The following NAALADL2 variants were observed in gnomAD, a reference collection of about 807,000 sequenced individuals.
The protein encoded by NAALADL2 is N-acetylated alpha-linked acidic dipeptidase like 2.
Under a neutral mutation model 87.2 loss-of-function variants are expected in NAALADL2, and 76 were observed. The ratio of observed to expected loss-of-function variants is 0.87; its 90% confidence interval spans 0.72 to 1.05. The LOEUF (loss-of-function observed/expected upper bound fraction) is 1.05, where lower values mean the gene tolerates loss of function less well. NAALADL2 is among the 50% of genes least tolerant of loss of function. The pLI is 0.00. For synonymous variants in NAALADL2, 354 were observed against 331.0 expected (o/e 1.07, Z -0.75); for missense variants, 1,089 against 945.8 (o/e 1.15, Z -1.99).
intron 1 of NAALADL2, among the ~76,000 whole-genome samples, chr3:174,509,136 G>T (rs1410227664): frequency 6.7e-6 from 1 of 148,468 alleles, no homozygotes; most frequent in African/African-American, 2.5e-5. Flanking sequence ...TTCTTTTACT[G>T]GCTTATGTGT....
intron 11 of NAALADL2, among the ~76,000 whole-genome samples, chr3:175,688,077 G>A (rs576518320): frequency 1.3e-5 from 2 of 152,060 alleles, no homozygotes; most frequent in Non-Finnish European, 2.9e-5. Context: ...CTCAAAGTTT[G>A]AATTAATATT....
intron 1 of NAALADL2, among the ~76,000 whole-genome samples, chr3:174,487,328 T>G (rs1295414751): frequency 6.6e-6 from 1 of 152,036 alleles, no homozygotes; most frequent in Non-Finnish European, 1.5e-5. Context: ...TCACTGTACT[T>G]ATTTGACTTC....
intron 10 of NAALADL2, among the ~76,000 whole-genome samples, chr3:175,577,617 G>A (rs765124927): frequency 9.2e-5 from 14 of 151,994 alleles, no homozygotes; most frequent in Non-Finnish European, 1.5e-4. Flanking sequence ...GGATCCAATC[G>A]TTTTCAAATT....
intron 2 of NAALADL2, among the ~76,000 whole-genome samples, chr3:174,724,827 G>A (rs555140609): frequency 1.3e-5 from 2 of 152,240 alleles, no homozygotes; most frequent in South Asian, 2.1e-4. Flanking sequence ...ATGGTAGAGT[G>A]TATACTATAA....
rs953791503 is a variant in NAALADL2, at chr3:175,092,178, AT to A, written c.44-4611del. ...TACTGTTATTATTTCTGTTTGACAA[AT>A]GTGAAATTTAAGCATAAATTTTAAG... On this transcript the variant is annotated intron_variant, in intron 1 of 13. Transcript: ENST00000454872. Among the ~76,000 whole-genome samples the A allele has an allele frequency of 5.1e-4, 77 of 150,488 alleles. 1 individual carries two copies. The highest frequency in any genetic ancestry group is 1.9e-3 in the African/African-American group (75 of 40,112).
chr3:175,789,317 G>T (rs529308228), intron 13 of NAALADL2, among the ~76,000 whole-genome samples: 24 of 151,980 alleles, frequency 1.6e-4, no homozygotes, highest in African/African-American at 5.8e-4. Context: ...GAGTTTCTGC[G>T]ACTTTATTTG....
chr3:175,016,600 G>T (rs866346387), intron 1 of NAALADL2, among the ~76,000 whole-genome samples: 3 of 151,348 alleles, frequency 2.0e-5, no homozygotes, highest in African/African-American at 7.3e-5. Context: ...ATACATATAC[G>T]CAAATTAAAG....
At chr3:174,858,442 G>A (rs576461505), upstream of NAALADL2, among the ~76,000 whole-genome samples, 4 of 151,998 alleles carry the variant, frequency 2.6e-5, no homozygotes, top group African/African-American at 9.7e-5. Context: ...TTTTTGTTGA[G>A]TCACAACAGT....
chr3:174,562,967 A>G (rs917351369), intron 2 of NAALADL2, among the ~76,000 whole-genome samples: 1 of 152,262 alleles, frequency 6.6e-6, no homozygotes, highest in East Asian at 1.9e-4. Context: ...ACAAAGTTAT[A>G]TTTCTGGATG....
At chr3:175,477,568 T>C (rs1038910996) in intron 9 of NAALADL2, among the ~76,000 whole-genome samples, 1 of 152,142 alleles carries the variant, frequency 6.6e-6, no homozygotes, top group African/African-American at 2.4e-5. Context: ...TTCCTTTGTC[T>C]TCTATTTTTG....
At chr3:174,986,541 A>C (rs1383113981) in intron 1 of NAALADL2, among the ~76,000 whole-genome samples, 1 of 152,008 alleles carries the variant, frequency 6.6e-6, no homozygotes, top group African/African-American at 2.4e-5. Flanking sequence ...TAGTTAGAAG[A>C]TAACTAGTTC....
chr3:175,266,072 T>C (rs1751889260), intron 4 of NAALADL2, among the ~76,000 whole-genome samples: 1 of 150,754 alleles, frequency 6.6e-6, no homozygotes, highest in South Asian at 2.1e-4. Context: ...AAAAAGGTAC[T>C]TCTTATTTAC....
At chr3:175,735,698 A>C (rs1005381430) in intron 11 of NAALADL2, among the ~76,000 whole-genome samples, 1 of 152,126 alleles carries the variant, frequency 6.6e-6, no homozygotes, top group African/African-American at 2.4e-5. Context: ...TGGGAAAGAC[A>C]TGCCCCCATG....
At chr3:174,869,441 A>G (rs1727532616) in intron 1 of NAALADL2, among the ~76,000 whole-genome samples, 1 of 152,206 alleles carries the variant, frequency 6.6e-6, no homozygotes. Context: ...TCTGAAGAAG[A>G]TGAGGACTTG....
At chr3:175,006,273 C>A in intron 1 of NAALADL2, among the ~76,000 whole-genome samples, 1 of 152,260 alleles carries the variant, frequency 6.6e-6, no homozygotes, top group East Asian at 1.9e-4. Flanking sequence ...ACCTCAGATG[C>A]CTTATTTTGG....
Position 175,097,166 on chromosome 3 carries a change from T to G in NAALADL2, c.420T>G (p.Ile140Met). 1 of 1,613,810 alleles carries G rather than the reference T, an allele frequency of 6.2e-7. No individual in the cohort carries two copies. The highest frequency in any genetic ancestry group is 2.2e-5 in the East Asian group (1 of 44,880). The change falls in exon 2 of 14, where the codon ATT becomes ATG. Residue 140 changes from isoleucine to methionine, a missense_variant. Physicochemically the swap from Ile to Met is conservative, Grantham distance 10 (BLOSUM62 1). Coordinates refer to ENST00000454872, the MANE Select transcript of NAALADL2 (RefSeq NM_207015.3). The part of the protein sequence containing the change: ...CTATILFIFG[I>M]LIGYYVHTNC... ...CCACCATTTTATTTATTTTTGGGAT[T>G]TTGATAGGTTATTATGTACATACAA...
At chr3:175,265,299 C>T (rs1054483789) in intron 4 of NAALADL2, among the ~76,000 whole-genome samples, 3 of 151,616 alleles carry the variant, frequency 2.0e-5, no homozygotes, top group Admixed American at 2.0e-4. Flanking sequence ...TTACAATATC[C>T]TAAAACTGAC....
intron 2 of NAALADL2, among the ~76,000 whole-genome samples, chr3:174,640,863 C>A (rs1228107410): frequency 6.6e-6 from 1 of 152,182 alleles, no homozygotes; most frequent in Non-Finnish European, 1.5e-5. Context: ...AGAGCATGGA[C>A]TCCGGTTTCA....
intron 1 of NAALADL2, among the ~76,000 whole-genome samples, chr3:174,949,395 G>T (rs1739986507): frequency 6.6e-6 from 1 of 152,090 alleles, no homozygotes; most frequent in South Asian, 2.1e-4. Context: ...TCCAAGGGGT[G>T]GGGAGGGTTG....
Sources: gnomAD v4.1 joint callset for allele counts (sites outside exome capture counted in the v4.1 genomes callset) on GRCh38, gnomAD v4.1.1 for gene constraint, MANE v1.5 for transcripts, NCBI Gene and HGNC (gene_info 2026-07-23, HGNC 2026-07-21) for gene names.